PREP: variants seen among roughly 807,000 people sequenced by gnomAD.
PREP encodes the protein prolyl endopeptidase, also known as dJ355L5.1 (prolyl endopeptidase).
A neutral mutation model predicts 87.6 loss-of-function variants in PREP; 29 were observed. The observed-to-expected ratio is 0.33, with a 90% confidence interval of 0.25 to 0.45. The LOEUF is 0.45. Ranked by LOEUF, PREP falls within the 20% of genes least tolerant of loss-of-function variation. The pLI, the probability that PREP is intolerant of heterozygous loss-of-function variation, is 1.00. For missense variants in PREP, 695 were observed against 886.5 expected (o/e 0.78, Z 2.74); for synonymous variants, 337 against 328.6 (o/e 1.03, Z -0.28).
At chr6:105,303,654 G>T (rs1185938727) in intron 10 of PREP, among the ~76,000 whole-genome samples, 1 of 151,932 alleles carries the variant, frequency 6.6e-6, no homozygotes, top group Non-Finnish European at 1.5e-5. Flanking sequence ...TAACAAGAAA[G>T]AAACTTAAAA....
intron 5 of PREP, among the ~76,000 whole-genome samples, chr6:105,371,746 T>A (rs1772555338): frequency 6.6e-6 from 1 of 152,112 alleles, no homozygotes; most frequent in South Asian, 2.1e-4. Flanking sequence ...AAGAAGCACA[T>A]GGTAGGAATT....
In PREP at chr6:105,350,364, A is replaced by C. The variant is rs370797725; in HGVS notation, c.823+2608T>G. On this transcript the variant is annotated intron_variant, in intron 7 of 14. Transcript: ENST00000652536. Reference sequence around the variant, plus strand: ...ACATGGAAATATTAAGGGAGAGAAAAAAAAAACTTTAACAGGGTAACCAGT... The same window carrying C: ...ACATGGAAATATTAAGGGAGAGAAACAAAAAACTTTAACAGGGTAACCAGT... Among the ~76,000 whole-genome samples the C allele has an allele frequency of 1.1e-4, 16 of 152,306 alleles. No homozygotes were observed. The East Asian group carries it at 2.7e-3, about 26-fold the overall frequency.
intron 1 of PREP, among the ~76,000 whole-genome samples, chr6:105,399,476 T>A (rs1323653073): frequency 6.6e-6 from 1 of 152,126 alleles, no homozygotes; most frequent in Non-Finnish European, 1.5e-5. Flanking sequence ...GAACACTCTG[T>A]ATATATTTTC....
chr6:105,348,620 G>A (rs1477678691), intron 7 of PREP, among the ~76,000 whole-genome samples: 3 of 152,288 alleles, frequency 2.0e-5, no homozygotes, highest in Admixed American at 6.5e-5. Flanking sequence ...AGTGGCTCAC[G>A]CCTGTAATCC....
At chr6:105,354,170 T>C (rs1284844241) in intron 6 of PREP, among the ~76,000 whole-genome samples, 3 of 152,328 alleles carry the variant, frequency 2.0e-5, no homozygotes, top group South Asian at 2.1e-4. Flanking sequence ...TCCAGAAATA[T>C]ACCACCATTA....
At chr6:105,345,118 G>A (rs138893565) in intron 7 of PREP, among the ~76,000 whole-genome samples, 12 of 152,322 alleles carry the variant, frequency 7.9e-5, no homozygotes, top group African/African-American at 2.9e-4. Context: ...CTTTGGTAGA[G>A]AAATAAATCA....
intron 3 of PREP, 116 bp from the exon 4 acceptor site, chr6:105,376,371 A>T: frequency 1.6e-6 from 2 of 1,249,694 alleles, no homozygotes; most frequent in East Asian, 4.8e-5. Flanking sequence ...GTACCACTGT[A>T]ATCTGGCCAT....
rs116370734 is a variant in PREP at position 105,316,120 on chromosome 6, G to A, written c.1317+7545C>T. Among the ~76,000 whole-genome samples the A allele has an allele frequency of 2.2e-3, 335 of 152,304 alleles. 1 individual carries two copies. Among genetic ancestry groups the A allele is most frequent in the African/African-American group, 7.7e-3 (321 of 41,550 alleles). On this transcript the variant is annotated intron_variant, in intron 10 of 14. Coordinates refer to ENST00000652536, the MANE Select transcript of PREP (RefSeq NM_002726.5). The stretch of plus-strand genomic sequence containing the variant: ...CTGTTTGGTGCAAGAGGCACCTATA[G>A]CTTTTGGCTTATTTTGGCTTTTGAC...
intron 10 of PREP, among the ~76,000 whole-genome samples, chr6:105,310,809 C>A (rs1028467330): frequency 2.0e-5 from 3 of 152,224 alleles, no homozygotes; most frequent in African/African-American, 7.2e-5. Context: ...ACTCAGATCT[C>A]TCCTTTGAGC....
chr6:105,304,774 G>A (rs1770620650), intron 10 of PREP, among the ~76,000 whole-genome samples: 1 of 151,992 alleles, frequency 6.6e-6, no homozygotes, highest in Non-Finnish European at 1.5e-5. Context: ...AATTTATACA[G>A]AGCAGCCTAG....
rs1052211115 is a variant in PREP, at chr6:105,395,973, T to C, written c.120+1880A>G. 2.6e-5 allele frequency among the ~76,000 whole-genome samples: 4 copies of C among 152,188 alleles called. No individual in the cohort carries two copies. The East Asian group carries it at 5.8e-4, about 22-fold the overall frequency. On this transcript the variant is annotated intron_variant, in intron 2 of 14. Coordinates refer to ENST00000652536, the MANE Select transcript of PREP (RefSeq NM_002726.5). ...CCCTCTGTCTCAGTCAGCCCAGTGT[T>C]GAACAATCAAGGTAATCTATGGCAG...
chr6:105,386,030 G>C (rs910943832), intron 2 of PREP, among the ~76,000 whole-genome samples: 7 of 152,324 alleles, frequency 4.6e-5, no homozygotes, highest in African/African-American at 1.7e-4. Flanking sequence ...TGAGGCAGGA[G>C]AATTGCCTGA....
At chr6:105,369,870 C>A (rs1027573214) in intron 5 of PREP, among the ~76,000 whole-genome samples, 3 of 152,198 alleles carry the variant, frequency 2.0e-5, no homozygotes, top group Admixed American at 6.5e-5. Context: ...AAGGCCTTGA[C>A]AAACATCTGA....
Position 105,288,750 on chromosome 6 carries a change from G to A in PREP, c.1454+8C>T, listed in dbSNP as rs747905830. On this transcript the variant is annotated splice_region_variant and intron_variant, in intron 11 of 14. Coordinates refer to ENST00000652536, the MANE Select transcript of PREP (RefSeq NM_002726.5). Reference sequence around the variant, plus strand: ...AATACTGGCACTCTGAGTGCGTTCCGAGCTCACCTGTAGTTGGGTGTGATG... The same window carrying A: ...AATACTGGCACTCTGAGTGCGTTCCAAGCTCACCTGTAGTTGGGTGTGATG... 20 of 1,613,686 alleles carry A rather than the reference G, an allele frequency of 1.2e-5. No individual in the cohort carries two copies. Among genetic ancestry groups the A allele is most frequent in the East Asian group, 2.2e-5 (1 of 44,858 alleles).
At chr6:105,381,738 T>A (rs1772843725) in intron 2 of PREP, among the ~76,000 whole-genome samples, 1 of 152,194 alleles carries the variant, frequency 6.6e-6, no homozygotes, top group African/African-American at 2.4e-5. Context: ...CCTTGACTAT[T>A]AGAAAGCTTA....
intron 6 of PREP, among the ~76,000 whole-genome samples, chr6:105,360,327 G>GA (rs1403819898): frequency 7.9e-5 from 12 of 152,310 alleles, no homozygotes; most frequent in Admixed American, 2.6e-4. Context: ...AATGGGGAAA[G>GA]AAGTGTTCCC....
chr6:105,320,482 C>A (rs1307876147), intron 10 of PREP, among the ~76,000 whole-genome samples: 3 of 152,302 alleles, frequency 2.0e-5, no homozygotes, highest in African/African-American at 7.2e-5. Context: ...ACAGATCACA[C>A]AAAGAGGAGC....
At chr6:105,401,463 C>A (rs1228447437) in intron 1 of PREP, among the ~76,000 whole-genome samples, 4 of 152,142 alleles carry the variant, frequency 2.6e-5, no homozygotes, top group Admixed American at 2.6e-4. Context: ...AAATATTTCT[C>A]ATATGAGAAA....
intron 8 of PREP, 131 bp from the exon 9 acceptor site, chr6:105,329,157 T>A: frequency 2.7e-6 from 1 of 376,908 alleles, no homozygotes; most frequent in Non-Finnish European, 3.9e-6. Context: ...ACTTTTACAT[T>A]TTTTTTTTTT....
Sources: gnomAD v4.1 joint callset for allele counts (sites outside exome capture counted in the v4.1 genomes callset) on GRCh38, gnomAD v4.1.1 for gene constraint, MANE v1.5 for transcripts, NCBI Gene and HGNC (gene_info 2026-07-23, HGNC 2026-07-21) for gene names.